Variants in GOLGB1 observed in about 807,000 individuals in gnomAD.
The protein encoded by GOLGB1 is golgin B1.
In GOLGB1, 174 loss-of-function variants were observed where a neutral mutation model predicts 336.9. The ratio of observed to expected loss-of-function variants is 0.52; its 90% CI spans 0.46 to 0.59. The LOEUF (loss-of-function observed/expected upper bound fraction) is 0.59. GOLGB1 is among the 20% of genes least tolerant of loss of function. The pLI, the probability that GOLGB1 is intolerant of heterozygous loss-of-function variation, is 0.00. For synonymous variants in GOLGB1, 1,208 were observed against 1,289.2 expected (o/e 0.94, Z 1.35); for missense variants, 3,331 against 3,645.3 (o/e 0.91, Z 2.22).
chr3:121,706,319 C>G (rs1179931443), intron 10 of GOLGB1, among the ~76,000 whole-genome samples: 1 of 152,086 alleles, frequency 6.6e-6, no homozygotes, highest in Middle Eastern at 3.4e-3. Flanking sequence ...GCTCAATGAA[C>G]CCCAATCACA....
Position 121,695,645 on chromosome 3 carries a change from G to A in GOLGB1, c.4878C>T (p.Ser1626=). 6.2e-7 allele frequency: 1 copy of A among 1,613,408 alleles called. No homozygotes were observed. The part of the protein sequence containing the change: ...LQKEYEILLQ[S]YENVSNEAER... ...CTGCTTCATTACTAACATTCTCATA[G>A]GACTGCAGAAGAATTTCATACTCTT... Residue 1626 remains serine, a synonymous_variant, in exon 13 of 22, where the codon TCC becomes TCT. Coordinates refer to ENST00000614479, the MANE Select transcript of GOLGB1 (RefSeq NM_001366282.2).
rs745590672 is a variant in GOLGB1 at position 121,695,881 on chromosome 3, G to A, written c.4642C>T (p.Leu1548Phe). The A allele has an allele frequency of 1.9e-6, 3 of 1,613,676 alleles. No homozygotes were observed. Among genetic ancestry groups the A allele is most frequent in the African/African-American group, 2.7e-5 (2 of 74,906 alleles). Residue 1548 changes from leucine to phenylalanine, a missense_variant, in exon 13 of 22, where the codon CTT (leucine) becomes TTT (phenylalanine). Transcript: ENST00000614479. Reference protein sequence around the residue: ...EKDTVLGRLALLQEERDKLIT... With the variant: ...EKDTVLGRLAFLQEERDKLIT... Reference sequence around the variant, plus strand: ...AGTTTGTCTCTTTCTTCTTGAAGAAGAGCTAACCTTCCTAAGACCGTATCT... The same window carrying A: ...AGTTTGTCTCTTTCTTCTTGAAGAAAAGCTAACCTTCCTAAGACCGTATCT...
chr3:121,736,794 T>G (rs939348947), intron 1 of GOLGB1, among the ~76,000 whole-genome samples: 1 of 151,868 alleles, frequency 6.6e-6, no homozygotes, highest in South Asian at 2.1e-4. Flanking sequence ...GTCCCAGCTA[T>G]TGGGTAGTCT....
At chr3:121,664,706 C>CGT in intron 21 of GOLGB1, 92 bp from the exon 22 acceptor site, 2 of 1,244,508 alleles carry the variant, frequency 1.6e-6, no homozygotes, top group Non-Finnish European at 2.3e-6. Context: ...CAAAGCTGAC[C>CGT]CAACCACTGT....
chr3:121,694,134 C>A lies in GOLGB1; in HGVS notation c.6389G>T (p.Arg2130Leu), dbSNP rs760882581. The change falls in exon 13 of 22, where the codon CGA becomes CTA. Residue 2130 changes from arginine to leucine, a missense_variant. Transcript: ENST00000614479. The stretch of plus-strand genomic sequence containing the variant: ...CTTCTCTTCTGCCTGTTCCAGTCTT[C>A]GCTCAAGATCTTCATCCTTTTGTTT... ...QMKQKDEDLE[R>L]RLEQAEEKHL... is the part of the protein sequence containing the mutation. The A allele has an allele frequency of 1.2e-6, 2 of 1,613,672 alleles. No individual in the cohort carries two copies. Among genetic ancestry groups the A allele is most frequent in the African/African-American group, 1.3e-5 (1 of 74,880 alleles).
At chr3:121,671,976 C>A (rs146516661) in intron 17 of GOLGB1, among the ~76,000 whole-genome samples, 1 of 152,114 alleles carries the variant, frequency 6.6e-6, no homozygotes, top group South Asian at 2.1e-4. Context: ...GACAGAATTT[C>A]ATACCTCTAA....
intron 1 of GOLGB1, among the ~76,000 whole-genome samples, chr3:121,734,171 G>T (rs1351737253): frequency 6.6e-6 from 1 of 152,032 alleles, no homozygotes; most frequent in Non-Finnish European, 1.5e-5. Flanking sequence ...AAGCAGATCA[G>T]TTGAGGCCAG....
At chr3:121,728,732 A>G (rs1276751507) in intron 4 of GOLGB1, among the ~76,000 whole-genome samples, 3 of 152,238 alleles carry the variant, frequency 2.0e-5, no homozygotes, top group East Asian at 1.9e-4. Flanking sequence ...TTCAGCCCAC[A>G]TGCATGAAGC....
chr3:121,719,752 T>A lies in GOLGB1; in HGVS notation c.665A>T (p.Gln222Leu), dbSNP rs199589265. The A allele has an allele frequency of 3.5e-5, 57 of 1,605,984 alleles. No homozygotes were observed. The Admixed American group carries it at 8.3e-4, about 23-fold the overall frequency. ...GCGGGCATCTTTCTCTCGGACCACC[T>A]GCTGCATGGAACTCAACTGAAGACA... is the stretch of plus-strand genomic sequence containing the variant. ...EQAAQLSSMQQVVREKDARFE... is the reference protein window; with the variant it reads ...EQAAQLSSMQLVVREKDARFE... Residue 222 changes from glutamine (Q) to leucine (L), a missense_variant, in exon 7 of 22, where the codon CAG (glutamine) becomes CTG (leucine). Transcript: ENST00000614479.
At chr3:121,700,345 A>G (rs1376487237) in intron 11 of GOLGB1, among the ~76,000 whole-genome samples, 1 of 152,084 alleles carries the variant, frequency 6.6e-6, no homozygotes, top group Non-Finnish European at 1.5e-5. Context: ...ATGATCATAT[A>G]AGGAAACAAA....
Position 121,664,999 on chromosome 3 carries a change from G to A in GOLGB1, c.9587C>T (p.Thr3196Ile). The A allele has an allele frequency of 6.2e-7, 1 of 1,610,326 alleles. No homozygotes were observed. The highest frequency in any genetic ancestry group is 8.5e-7 in the Non-Finnish European group (1 of 1,176,542). Residue 3196 changes from threonine (T) to isoleucine (I), a missense_variant, in exon 21 of 22, where the codon ACT becomes ATT. Thr to Ile is a moderately conservative substitution (Grantham distance 89). Transcript: ENST00000614479. ...AGTGCCACAGGAGCCAATGATAGGAGTCCGGGAAGAGTCCCATTCACTGTG... is the reference window on the plus strand; with the variant it reads ...AGTGCCACAGGAGCCAATGATAGGAATCCGGGAAGAGTCCCATTCACTGTG... ...LEHSEWDSSR[T>I]PIIGSCGTQE...
In GOLGB1 at chr3:121,697,602, G is replaced by C. The variant is rs756440299; in HGVS notation, c.2921C>G (p.Ala974Gly). The C allele has an allele frequency of 1.2e-6, 2 of 1,613,248 alleles. No individual in the cohort carries two copies. Among genetic ancestry groups the C allele is most frequent in the Non-Finnish European group, 8.5e-7 (1 of 1,179,920 alleles). ...AAGTTCTTCCTTACTTATTTGTCCT[G>C]CTGGGCTCATCTCATCATAATTTTG... The part of the protein sequence containing the change: ...LKQNYDEMSP[A>G]GQISKEELQH... The change falls in exon 13 of 22, where the codon GCA (alanine) becomes GGA (glycine). Residue 974 changes from alanine to glycine, a missense_variant. By Grantham distance (60) the Ala-to-Gly change is moderately conservative (BLOSUM62 0). Transcript: ENST00000614479.
Position 121,692,509 on chromosome 3 carries a change from A to G in GOLGB1, c.6855T>C (p.Asp2285=). The G allele has an allele frequency of 6.2e-7, 1 of 1,612,902 alleles. No individual in the cohort carries two copies. The highest frequency in any genetic ancestry group is 8.5e-7 in the Non-Finnish European group (1 of 1,179,658). ...GTTCTTTGTTTTCCCCCTGTAGAGT[A>G]TCACAGACCTTCTGCTGAAGCTGGA... The part of the protein sequence containing the change: ...TEVQLQQKVC[D]TLQGENKELL... The change falls in exon 14 of 22, where the codon GAT becomes GAC. Residue 2285 remains aspartate (D), a synonymous_variant. Transcript: ENST00000614479.
intron 1 of GOLGB1, among the ~76,000 whole-genome samples, chr3:121,734,089 T>A (rs971956087): frequency 1.3e-5 from 2 of 151,674 alleles, no homozygotes; most frequent in African/African-American, 4.8e-5. Flanking sequence ...GTTAAGAAAA[T>A]GAAAAGACAA....
chr3:121,735,643 C>G (rs1385183815), intron 1 of GOLGB1, among the ~76,000 whole-genome samples: 1 of 152,130 alleles, frequency 6.6e-6, no homozygotes, highest in Non-Finnish European at 1.5e-5. Context: ...CTAGGATAAA[C>G]CCCATGGTAC....
Position 121,693,854 on chromosome 3 carries a change from C to G in GOLGB1, c.6669G>C (p.Ala2223=), listed in dbSNP as rs1163280233. 6 of 1,613,536 alleles carry G rather than the reference C, an allele frequency of 3.7e-6. No individual in the cohort carries two copies. The highest frequency in any genetic ancestry group is 1.7e-5 in the Admixed American group (1 of 60,022). Reference sequence around the variant, plus strand: ...TAATTTCTTCTTCTTTGCTTTGAATCGCATCACTAAACTTCCTCTCCCATT... The same window carrying G: ...TAATTTCTTCTTCTTTGCTTTGAATGGCATCACTAAACTTCCTCTCCCATT... The part of the protein sequence containing the change: ...AKKWERKFSD[A]IQSKEEEIRL... The change falls in exon 13 of 22, where the codon GCG becomes GCC. Residue 2223 remains alanine (A), a synonymous_variant. Transcript: ENST00000614479.
In GOLGB1 at chr3:121,694,768, T is replaced by C. The variant is rs947220068; in HGVS notation, c.5755A>G (p.Thr1919Ala). ...AAATCATCTTTCTCTTCTTCTGCTG[T>C]CTCCTTTAGTTTGGTAACTCTGGAG... ...ELSRVTKLKE[T>A]AEEEKDDLEE... Residue 1919 changes from threonine (T) to alanine (A), a missense_variant, in exon 13 of 22, where the codon ACA becomes GCA. By Grantham distance (58) the Thr-to-Ala change is moderately conservative. Coordinates refer to ENST00000614479, the MANE Select transcript of GOLGB1 (RefSeq NM_001366282.2). 3.1e-6 allele frequency: 5 copies of C among 1,613,082 alleles called. No individual in the cohort carries two copies. Among genetic ancestry groups the C allele is most frequent in the Non-Finnish European group, 3.4e-6 (4 of 1,179,870 alleles).
At chr3:121,727,289 CACACATATAT>C (rs1234013265) in intron 4 of GOLGB1, among the ~76,000 whole-genome samples, 3 of 44,372 alleles carry the variant, frequency 6.8e-5, no homozygotes, top group African/African-American at 1.2e-4. Flanking sequence ...CATACACACA[CACACATATAT>C]ATATATATAT....
At chr3:121,673,489 C>A (rs1939865609) in intron 17 of GOLGB1, among the ~76,000 whole-genome samples, 1 of 152,134 alleles carries the variant, frequency 6.6e-6, no homozygotes, top group Non-Finnish European at 1.5e-5. Flanking sequence ...ATAGGGATTG[C>A]ATTTAATCTG....
Sources: allele counts gnomAD v4.1 joint callset (sites outside exome capture counted in the v4.1 genomes callset), GRCh38; gene constraint gnomAD v4.1.1; transcripts MANE v1.5; gene names NCBI Gene and HGNC (gene_info 2026-07-23, HGNC 2026-07-21).